The following EHBP1 variants were observed in gnomAD, a reference collection of about 807,000 sequenced individuals.
EHBP1 encodes the protein EH domain binding protein 1.
EHBP1 carries 55 observed loss-of-function variants against 144.0 expected under a neutral mutation model. The observed-to-expected ratio is 0.38, with a 90% confidence interval of 0.31 to 0.48. The LOEUF (loss-of-function observed/expected upper bound fraction) is 0.48, where lower values mean the gene tolerates loss of function less well. Among genes scored for constraint, EHBP1 ranks in the 20% least tolerant of loss-of-function variants. EHBP1 has a pLI of 0.98. For synonymous variants in EHBP1, 469 were observed against 472.7 expected (o/e 0.99, Z 0.10); for missense variants, 1,200 against 1,364.2 (o/e 0.88, Z 1.90).
chr2:62,793,432 A>G (rs1372879871), intron 5 of EHBP1, among the ~76,000 whole-genome samples: 1 of 152,146 alleles, frequency 6.6e-6, no homozygotes, highest in Non-Finnish European at 1.5e-5. Flanking sequence ...TACAAAACCC[A>G]TCATTCACCC....
At chr2:63,030,953 A>G (rs139285516) in intron 19 of EHBP1, among the ~76,000 whole-genome samples, 2,598 of 151,344 alleles carry the variant, frequency 0.017, 97 homozygotes, top group African/African-American at 0.06. Flanking sequence ...GCGCCACCAC[A>G]CCCAGCTAAT....
At chr2:63,040,211 C>T (rs953670991) in intron 21 of EHBP1, among the ~76,000 whole-genome samples, 1 of 150,788 alleles carries the variant, frequency 6.6e-6, no homozygotes, top group Non-Finnish European at 1.5e-5. Flanking sequence ...ACTCATCATA[C>T]AGTTTATTAT....
At chr2:63,009,828 A>G (rs1221639621) in intron 19 of EHBP1, among the ~76,000 whole-genome samples, 12 of 151,590 alleles carry the variant, frequency 7.9e-5, no homozygotes, top group Non-Finnish European at 4.4e-5. Flanking sequence ...ATGTATATAT[A>G]CTATGTTTTT....
chr2:62,820,393 TC>T (rs1371952880), intron 5 of EHBP1, among the ~76,000 whole-genome samples: 14 of 151,864 alleles, frequency 9.2e-5, no homozygotes, highest in African/African-American at 3.4e-4. Context: ...ATTTCAGACA[TC>T]TTTAAGTGTA....
intron 8 of EHBP1, among the ~76,000 whole-genome samples, chr2:62,861,357 T>C (rs1176251900): frequency 6.6e-6 from 1 of 151,624 alleles, no homozygotes; most frequent in Non-Finnish European, 1.5e-5. Context: ...CTCGATTTCC[T>C]GACCTTGTAA....
At chr2:62,775,246 G>A (rs1165880856) in intron 5 of EHBP1, among the ~76,000 whole-genome samples, 1 of 152,098 alleles carries the variant, frequency 6.6e-6, no homozygotes, top group East Asian at 1.9e-4. Context: ...CCTCTCCTAG[G>A]TTATAGCTCC....
At chr2:62,810,583 G>A (rs2152530080) in intron 5 of EHBP1, among the ~76,000 whole-genome samples, 1 of 152,308 alleles carries the variant, frequency 6.6e-6, no homozygotes, top group Non-Finnish European at 1.5e-5. Context: ...TTGTAATGTG[G>A]GTAAAATGAG....
chr2:62,820,220 A>G (rs2102517), intron 5 of EHBP1, among the ~76,000 whole-genome samples: 6,272 of 149,070 alleles, frequency 0.042, 248 homozygotes, highest in African/African-American at 0.13. Flanking sequence ...CTCAAAAAAA[A>G]AAAAGAAAAA....
chr2:62,748,845 T>A (rs2039400951), intron 3 of EHBP1, among the ~76,000 whole-genome samples: 1 of 152,120 alleles, frequency 6.6e-6, no homozygotes, highest in Non-Finnish European at 1.5e-5. Context: ...TCTTTTCAAG[T>A]CTTTTATTTT....
chr2:62,846,893 T>C lies in EHBP1; in HGVS notation c.635-12276T>C, dbSNP rs929367268. ...ATTAGAAGATACAGTATTGTTAAGATATCATTTTTCCTCAAATCAATCTGT... is the reference window on the plus strand; with the variant it reads ...ATTAGAAGATACAGTATTGTTAAGACATCATTTTTCCTCAAATCAATCTGT... On this transcript the variant is annotated intron_variant, in intron 7 of 22. Transcript: ENST00000431489. Among the ~76,000 whole-genome samples the C allele has an allele frequency of 6.7e-4, 102 of 152,332 alleles. 3 individuals carry two copies. Among genetic ancestry groups the C allele is most frequent in the Admixed American group, 6.1e-3 (93 of 15,300 alleles).
intron 19 of EHBP1, among the ~76,000 whole-genome samples, chr2:63,015,151 T>C (rs1041744502): frequency 6.6e-6 from 1 of 152,236 alleles, no homozygotes; most frequent in East Asian, 1.9e-4. Flanking sequence ...CTATATACTG[T>C]TCTTTAAATG....
At chr2:62,992,322 A>G (rs1315634741) in intron 16 of EHBP1, among the ~76,000 whole-genome samples, 1 of 152,190 alleles carries the variant, frequency 6.6e-6, no homozygotes. Context: ...CTAGGATATT[A>G]TAAGCATGAT....
At chr2:62,802,932 C>T (rs952986138) in intron 5 of EHBP1, among the ~76,000 whole-genome samples, 5 of 152,038 alleles carry the variant, frequency 3.3e-5, no homozygotes, top group African/African-American at 1.2e-4. Flanking sequence ...GCCATGTTGG[C>T]CAGGCTGGTC....
At chr2:62,725,140 C>T (rs781518313) in intron 2 of EHBP1, among the ~76,000 whole-genome samples, 2 of 152,132 alleles carry the variant, frequency 1.3e-5, no homozygotes, top group East Asian at 1.9e-4. Context: ...TCTGGCTCCT[C>T]GGGGATAGGA....
At chr2:62,866,582 C>T (rs2050056421) in intron 9 of EHBP1, among the ~76,000 whole-genome samples, 1 of 152,094 alleles carries the variant, frequency 6.6e-6, no homozygotes, top group Admixed American at 6.5e-5. Flanking sequence ...GATTTTTCAT[C>T]TCATACAAAG....
chr2:63,025,889 T>C (rs2060951926), intron 19 of EHBP1, among the ~76,000 whole-genome samples: 1 of 152,188 alleles, frequency 6.6e-6, no homozygotes, highest in Admixed American at 6.5e-5. Context: ...TGGAATACAC[T>C]TAACAGAACA....
intron 10 of EHBP1, among the ~76,000 whole-genome samples, chr2:62,900,301 G>C (rs1477958352): frequency 6.6e-6 from 1 of 152,006 alleles, no homozygotes; most frequent in African/African-American, 2.4e-5. Flanking sequence ...TTTGAAAAAT[G>C]GGAGGTTATC....
chr2:62,803,635 C>G (rs974369688), intron 5 of EHBP1, among the ~76,000 whole-genome samples: 1 of 152,154 alleles, frequency 6.6e-6, no homozygotes, highest in African/African-American at 2.4e-5. Flanking sequence ...TGCCAACTTT[C>G]AATTGAAATA....
chr2:62,755,034 G>A (rs761514143), intron 3 of EHBP1, among the ~76,000 whole-genome samples: 19 of 152,148 alleles, frequency 1.2e-4, no homozygotes, highest in African/African-American at 3.1e-4. Flanking sequence ...AGATGAACCC[G>A]GTACCTCAGT....
Sources: gnomAD v4.1 joint callset for allele counts (sites outside exome capture counted in the v4.1 genomes callset) on GRCh38, gnomAD v4.1.1 for gene constraint, MANE v1.5 for transcripts, NCBI Gene and HGNC (gene_info 2026-07-23, HGNC 2026-07-21) for gene names.